The following PFKFB3 variants were observed in gnomAD, a reference collection of about 807,000 sequenced individuals.
PFKFB3 encodes 6-phosphofructo-2-kinase/fructose-2,6-biphosphatase 3.
A neutral mutation model predicts 68.0 loss-of-function variants in PFKFB3; 33 were observed. The ratio of observed to expected loss-of-function variants is 0.49; its 90% CI spans 0.37 to 0.65. The LOEUF (loss-of-function observed/expected upper bound fraction) is 0.65. Among genes scored for constraint, PFKFB3 ranks in the 30% least tolerant of loss-of-function variants. PFKFB3 has a pLI of 0.00. For missense variants in PFKFB3, 586 were observed against 712.2 expected, an observed-to-expected ratio of 0.82 and a Z score of 2.02; for synonymous variants, 315 against 288.2, an observed-to-expected ratio of 1.09 and a Z score of -0.94.
At position 6,179,658 on chromosome 10, in the gene PFKFB3, C is replaced by T. The variant is rs572250881; in HGVS notation, c.17-33965C>T. Among the ~76,000 whole-genome samples, 350 of 152,272 alleles carry T rather than the reference C, an allele frequency of 2.3e-3. 3 individuals are homozygous for T. Among genetic ancestry groups the T allele is most frequent in the Non-Finnish European group, 1.9e-3 (129 of 68,002 alleles). ...GGGAGAAAAGGAAGAACCCGTCTCC[C>T]CTCAACTGGATCATCATGGGCTGTG... On this transcript the variant is annotated intron_variant, in intron 1 of 14. Coordinates refer to the PFKFB3 transcript ENST00000379789.
the PFKFB3 span, among the ~76,000 whole-genome samples, chr10:6,314,583 T>C: frequency 1.3e-5 from 2 of 152,380 alleles, no homozygotes; most frequent in Admixed American, 1.3e-4. Context: ...ATATGATGAC[T>C]TCTTCAACCC....
At chr10:6,245,330 T>C (rs1459436693) in intron 14 of PFKFB3, among the ~76,000 whole-genome samples, 7 of 152,072 alleles carry the variant, frequency 4.6e-5, no homozygotes, top group Admixed American at 1.3e-4. Flanking sequence ...CTCCTGACCT[T>C]GTGATCTGCC....
At chr10:6,248,021 G>C (rs1846296628) in intron 14 of PFKFB3, among the ~76,000 whole-genome samples, 1 of 152,184 alleles carries the variant, frequency 6.6e-6, no homozygotes, top group Non-Finnish European at 1.5e-5. Flanking sequence ...AGGTAACAAT[G>C]GCTGCCAAGT....
At chr10:6,293,775 G>A in the PFKFB3 span, 1 of 371,688 alleles carries the variant, frequency 2.7e-6, no homozygotes, top group South Asian at 2.6e-5. Flanking sequence ...TGAGCACCTT[G>A]TGCACTTTAT....
chr10:6,216,909 C>G (rs1844625019), intron 5 of PFKFB3, 129 bp downstream of exon 5: 1 of 812,284 alleles, frequency 1.2e-6, no homozygotes, highest in Non-Finnish European at 2.1e-6. Context: ...CGGTCCCTCC[C>G]CTCCTGCTGC....
the PFKFB3 span, among the ~76,000 whole-genome samples, chr10:6,269,507 T>C: frequency 6.6e-6 from 1 of 152,216 alleles, no homozygotes; most frequent in Admixed American, 6.6e-5. Flanking sequence ...TATATTTTTT[T>C]CCCTTTTCCA....
chr10:6,179,026 C>T (rs1482196317), intron 1 of PFKFB3, among the ~76,000 whole-genome samples: 6 of 152,334 alleles, frequency 3.9e-5, no homozygotes, highest in South Asian at 2.1e-4. Context: ...CTGGTGGAGT[C>T]GTTCTAAAAA....
the PFKFB3 span, among the ~76,000 whole-genome samples, chr10:6,299,238 T>G: frequency 6.6e-6 from 1 of 152,350 alleles, no homozygotes; most frequent in East Asian, 1.9e-4. Flanking sequence ...GTTTGCTTTT[T>G]TCAACGTTGG....
At chr10:6,209,576 C>T (rs138489765) in intron 1 of PFKFB3, among the ~76,000 whole-genome samples, 293 of 151,864 alleles carry the variant, frequency 1.9e-3, no homozygotes, top group African/African-American at 6.2e-3. Context: ...CAGGTTCAAG[C>T]GATTCTCCTA....
chr10:6,203,143 C>G lies in PFKFB3; in HGVS notation c.-118C>G. 1 of 1,497,578 alleles carries G rather than the reference C, an allele frequency of 6.7e-7. No homozygotes were observed. Among genetic ancestry groups the G allele is most frequent in the East Asian group, 2.6e-5 (1 of 38,754 alleles). The allele number at this position is 1,497,578 out of a possible 1,614,324, so 92.8% of individuals were successfully genotyped here. A position where few individuals can be genotyped will look rare whatever the true frequency, so the allele number is the denominator to read the frequency against. ...TTCCCCTGGCAGCGCAGGAAACGCC[C>G]GGCCGCGCGCCGGCGCACGCCCCCC... On this transcript the variant is annotated 5_prime_UTR_variant, in exon 1 of 15. Coordinates refer to ENST00000379775, the MANE Select transcript of PFKFB3 (RefSeq NM_004566.4).
intron 1 of PFKFB3, among the ~76,000 whole-genome samples, chr10:6,169,320 T>G (rs920154135): frequency 6.6e-6 from 1 of 152,164 alleles, no homozygotes; most frequent in South Asian, 2.1e-4. Context: ...TTTCTGTTCT[T>G]TTCTTAGTCT....
the PFKFB3 span, among the ~76,000 whole-genome samples, chr10:6,312,558 G>T: frequency 1.2e-4 from 19 of 152,172 alleles, no homozygotes; most frequent in African/African-American, 4.1e-4. Context: ...TTTGCCATGT[G>T]CTGGCAATTC....
At chr10:6,149,116 T>G (rs1588375637) in intron 1 of PFKFB3, among the ~76,000 whole-genome samples, 1 of 151,852 alleles carries the variant, frequency 6.6e-6, no homozygotes, top group East Asian at 1.9e-4. Context: ...GTGTAGACGG[T>G]GACTCATCTC....
At chr10:6,303,275 A>G in the PFKFB3 span, among the ~76,000 whole-genome samples, 1 of 152,234 alleles carries the variant, frequency 6.6e-6, no homozygotes, top group African/African-American at 2.4e-5. Flanking sequence ...AACAAACAAG[A>G]AAAAGAAAAA....
chr10:6,263,341 G>A, the PFKFB3 span, among the ~76,000 whole-genome samples: 2 of 152,244 alleles, frequency 1.3e-5, no homozygotes, highest in African/African-American at 2.4e-5. Context: ...TGGGCCAGGT[G>A]TTCCTTGCTC....
chr10:6,290,145 T>C, the PFKFB3 span, among the ~76,000 whole-genome samples: 1 of 152,296 alleles, frequency 6.6e-6, no homozygotes, highest in Middle Eastern at 3.4e-3. Context: ...TCATGTCATC[T>C]GCAAACAGGG....
intron 1 of PFKFB3, among the ~76,000 whole-genome samples, chr10:6,177,979 G>A (rs182400806): frequency 2.0e-5 from 3 of 152,308 alleles, no homozygotes; most frequent in East Asian, 1.9e-4. Context: ...AGGTGCACAC[G>A]TGAGGGTGGA....
intron 1 of PFKFB3, among the ~76,000 whole-genome samples, chr10:6,204,435 G>A (rs1343115715): frequency 6.6e-6 from 1 of 152,230 alleles, no homozygotes; most frequent in Non-Finnish European, 1.5e-5. Flanking sequence ...TTCTTAGGAC[G>A]GCCCCCGCGG....
chr10:6,172,053 C>A (rs1412543766), intron 1 of PFKFB3, among the ~76,000 whole-genome samples: 1 of 152,190 alleles, frequency 6.6e-6, no homozygotes, highest in African/African-American at 2.4e-5. Context: ...GAGGGAAACC[C>A]GAAAACCACC....
Sources: allele counts gnomAD v4.1 joint callset (sites outside exome capture counted in the v4.1 genomes callset), GRCh38; gene constraint gnomAD v4.1.1; transcripts MANE v1.5; gene names NCBI Gene and HGNC (gene_info 2026-07-23, HGNC 2026-07-21).